GP2: variants seen among roughly 807,000 people sequenced by gnomAD.
The protein encoded by GP2 is glycoprotein 2.
Under a neutral mutation model 60.8 loss-of-function variants are expected in GP2, and 58 were observed. The ratio of observed to expected loss-of-function variants is 0.95; its 90% CI spans 0.77 to 1.19. GP2 has a LOEUF of 1.19. GP2 is among the 50% of genes most tolerant of loss of function. The pLI, the probability that GP2 is intolerant of heterozygous loss-of-function variation, is 0.00. For synonymous variants in GP2, 280 were observed against 253.4 expected (o/e 1.10, Z -1.00); for missense variants, 647 against 667.4 (o/e 0.97, Z 0.34).
rs1208691027 is a variant in GP2, at chr16:20,319,654, C to G, written c.973G>C (p.Val325Leu). The change falls in exon 6 of 11, where the codon GTC becomes CTC. Residue 325 changes from valine to leucine, a missense_variant. Coordinates refer to ENST00000302555, the MANE Select transcript of GP2 (RefSeq NM_001502.4). ...GGCTGCAAGGCAGCTTGGAGGCTGA[C>G]TTTCATGTCCAGTGGGTAGGCACAT... ...FQCAYPLDMK[V>L]SLQAALQPIV... 2.5e-6 allele frequency: 4 copies of G among 1,612,646 alleles called. No homozygotes were observed. The African/African-American group carries it at 5.3e-5, about 22-fold the overall frequency.
At chr16:20,311,948 C>T (rs1344733484) in intron 10 of GP2, among the ~76,000 whole-genome samples, 1 of 152,200 alleles carries the variant, frequency 6.6e-6, no homozygotes, top group African/African-American at 2.4e-5. Flanking sequence ...GCTGGGCAGT[C>T]CCAGAAAAGT....
intron 9 of GP2, 73 bp downstream of exon 9, chr16:20,315,883 G>A: frequency 1.1e-6 from 1 of 887,994 alleles, no homozygotes; most frequent in Middle Eastern, 2.2e-4. Flanking sequence ...AGTTGAGTTG[G>A]TGACCCCAGG....
intron 4 of GP2, among the ~76,000 whole-genome samples, chr16:20,320,686 A>C (rs1964330361): frequency 6.6e-6 from 1 of 152,180 alleles, no homozygotes; most frequent in Non-Finnish European, 1.5e-5. Flanking sequence ...CAGGCTTGCT[A>C]AGGTTTTTTA....
intron 8 of GP2, 38 bp downstream of exon 8, chr16:20,317,163 ACCAGGCTCCATG>A (rs761260782): frequency 1.9e-6 from 2 of 1,060,312 alleles, no homozygotes; most frequent in Non-Finnish European, 2.6e-6. Flanking sequence ...CCTATCAGGT[ACCAGGCTCCATG>A]CCAGGCTCTG....
At chr16:20,316,157 T>C (rs1453898171) in intron 8 of GP2, 117 bp from the exon 9 acceptor site, 15 of 645,940 alleles carry the variant, frequency 2.3e-5, no homozygotes, top group Non-Finnish European at 3.9e-5. Flanking sequence ...GTTCACGCTA[T>C]GGCCCTAATT....
intron 2 of GP2, among the ~76,000 whole-genome samples, chr16:20,326,093 G>A (rs138875015): frequency 6.6e-6 from 1 of 152,342 alleles, no homozygotes; most frequent in Non-Finnish European, 1.5e-5. Flanking sequence ...CCAAAGATAT[G>A]GGCATGGGAA....
Position 20,320,269 on chromosome 16 carries a change from A to C in GP2, c.851T>G (p.Ile284Ser), listed in dbSNP as rs1964313254. Residue 284 changes from isoleucine (I) to serine (S), a missense_variant, in exon 5 of 11, where the codon ATT (isoleucine) becomes AGT (serine). By Grantham distance (142) the Ile-to-Ser change is moderately radical. Transcript: ENST00000302555. ...GGTGTGAAAGCCACTTACCTCCAGA[A>C]TGTTCCTGCAGGCACTAGCCTGGAC... ...SPVQASACRN[I>S]LERNQTHAIY... 6.2e-7 allele frequency: 1 copy of C among 1,612,130 alleles called. No individual in the cohort carries two copies. The highest frequency in any genetic ancestry group is 1.7e-5 in the Admixed American group (1 of 60,016).
chr16:20,313,275 C>T (rs1259928238), intron 10 of GP2, among the ~76,000 whole-genome samples: 3 of 151,702 alleles, frequency 2.0e-5, no homozygotes, highest in African/African-American at 7.3e-5. Flanking sequence ...CTCTCTCTCT[C>T]TCTGCGTGTG....
At chr16:20,321,144 G>A (rs1964346147) in intron 4 of GP2, among the ~76,000 whole-genome samples, 1 of 150,602 alleles carries the variant, frequency 6.6e-6, no homozygotes. Flanking sequence ...TCTGCCTCCT[G>A]GATTCAAGTG....
Position 20,318,401 on chromosome 16 carries a change from C to T in GP2, c.1037G>A (p.Gly346Glu). The change falls in exon 7 of 11, where the codon GGA (glycine) becomes GAA (glutamate). Residue 346 changes from glycine (G) to glutamate (E), a missense_variant. Transcript: ENST00000302555. ...SSLNVSVDGN[G>E]EFIVRMALFQ... ...GAGGGCCATCCTGACAATGAACTCT[C>T]CATTCCCGTCCACACTGACGTTCAG... 6.2e-7 allele frequency: 1 copy of T among 1,613,450 alleles called. No individual in the cohort carries two copies. Among genetic ancestry groups the T allele is most frequent in the African/African-American group, 1.3e-5 (1 of 75,048 alleles).
At chr16:20,325,790 C>A (rs1429107664) in intron 2 of GP2, among the ~76,000 whole-genome samples, 1 of 152,202 alleles carries the variant, frequency 6.6e-6, no homozygotes, top group African/African-American at 2.4e-5. Context: ...TCAAACTTTG[C>A]TCATGCATGT....
Position 20,311,266 on chromosome 16 carries a change from C to T in GP2, c.1562G>A (p.Trp521Ter). The change falls in exon 11 of 11, where the codon TGG (tryptophan) becomes TAG (stop). Residue 521 changes from tryptophan to a stop codon, truncating the protein, a stop_gained. Transcript: ENST00000302555. LOFTEE classifies it high-confidence loss of function. ...TPSTAGFLVA[W>*]PMVLLTVLLA... ...GAGGACAGTCAGGAGGACCATAGGC[C>T]AGGCCACCAGGAACCCTGAAATACA... The T allele has an allele frequency of 6.2e-7, 1 of 1,606,328 alleles. No homozygotes were observed. The highest frequency in any genetic ancestry group is 8.5e-7 in the Non-Finnish European group (1 of 1,173,032).
intron 10 of GP2, among the ~76,000 whole-genome samples, chr16:20,311,683 G>T (rs1964000237): frequency 6.6e-6 from 1 of 152,212 alleles, no homozygotes; most frequent in Admixed American, 6.5e-5. Flanking sequence ...GGATAGTGGA[G>T]TTACCAGAAG....
chr16:20,321,254 G>A (rs1041806483), intron 4 of GP2, among the ~76,000 whole-genome samples: 8 of 151,814 alleles, frequency 5.3e-5, no homozygotes, highest in Admixed American at 2.0e-4. Context: ...TAAAGATGGG[G>A]TTTTGCCATA....
intron 1 of GP2, 86 bp from the exon 2 acceptor site, chr16:20,326,553 T>G: frequency 1.8e-6 from 2 of 1,091,008 alleles, no homozygotes; most frequent in South Asian, 3.2e-5. Context: ...CATAAAGAGC[T>G]GCATTGTTTC....
intron 3 of GP2, 66 bp downstream of exon 3, chr16:20,323,750 C>T (rs1964445231): frequency 5.6e-6 from 6 of 1,066,124 alleles, no homozygotes; most frequent in Non-Finnish European, 8.2e-6. Flanking sequence ...GCTCCACTCA[C>T]TCTACTGAGC....
rs757547229 is a variant in GP2, at chr16:20,326,472, G to A, written c.-36-5C>T. 1 of 1,608,644 alleles carries A rather than the reference G, an allele frequency of 6.2e-7. No homozygotes were observed. Among genetic ancestry groups the A allele is most frequent in the South Asian group, 1.1e-5 (1 of 90,588 alleles). ...GTATGCAGACTTCCCATGCAGCTAT[G>A]GGAAAGAAAAGACCAAGATAAGATT... On this transcript the variant is annotated splice_polypyrimidine_tract_variant and splice_region_variant and intron_variant, in intron 1 of 10. Transcript: ENST00000302555.
chr16:20,323,593 A>G (rs1224764647), intron 3 of GP2: 19 of 603,976 alleles, frequency 3.1e-5, no homozygotes. Context: ...ATTTTATGCT[A>G]CACACATTTA....
rs1229168534 is a variant in GP2 at position 20,322,205 on chromosome 16, C to T, written c.646+664G>A. Among the ~76,000 whole-genome samples, 6 of 152,330 alleles carry T rather than the reference C, an allele frequency of 3.9e-5. No homozygotes were observed. The East Asian group carries it at 9.7e-4, about 25-fold the overall frequency. On this transcript the variant is annotated intron_variant, in intron 4 of 10. Coordinates refer to ENST00000302555, the MANE Select transcript of GP2 (RefSeq NM_001502.4). ...TGTAGTGTGCTCAGAGGAAGGCATG[C>T]TTGTGCCAAAGGCAAGATCAAAGGC...
Sources: gnomAD v4.1 joint callset for allele counts (sites outside exome capture counted in the v4.1 genomes callset) on GRCh38, gnomAD v4.1.1 for gene constraint, MANE v1.5 for transcripts, NCBI Gene and HGNC (gene_info 2026-07-23, HGNC 2026-07-21) for gene names.